Variants in TBC1D5 observed in about 807,000 individuals in gnomAD.
TBC1D5 encodes TBC1 domain family, member 5.
Under a neutral mutation model 100.3 loss-of-function variants are expected in TBC1D5, and 75 were observed. The observed-to-expected ratio is 0.75, with a 90% CI of 0.62 to 0.91. The LOEUF is 0.91. Among genes scored for constraint, TBC1D5 ranks in the 40% least tolerant of loss-of-function variants. The pLI is 0.00. For synonymous variants in TBC1D5, 323 were observed against 325.6 expected (o/e 0.99, Z 0.09); for missense variants, 910 against 942.4 (o/e 0.97, Z 0.45).
intron 15 of TBC1D5, among the ~76,000 whole-genome samples, chr3:17,263,736 G>A (rs796101555): frequency 1.5e-4 from 23 of 152,310 alleles, no homozygotes; most frequent in African/African-American, 5.5e-4. Context: ...AGTGGTAGAT[G>A]CAAGTTTTCT....
chr3:17,386,934 G>T (rs2093175241), intron 8 of TBC1D5, among the ~76,000 whole-genome samples: 1 of 152,086 alleles, frequency 6.6e-6, no homozygotes, highest in African/African-American at 2.4e-5. Flanking sequence ...AATTTAAATT[G>T]TCTACTTTTA....
rs569641419 is a variant in TBC1D5 at position 17,618,577 on chromosome 3, G to A, written c.-36+5272C>T. 7.9e-5 allele frequency among the ~76,000 whole-genome samples: 12 copies of A among 152,352 alleles called. No homozygotes were observed. In the South Asian group the frequency reaches 2.3e-3, roughly 29 times the overall value. On this transcript the variant is annotated intron_variant, in intron 2 of 21. Coordinates refer to ENST00000253692, the Ensembl canonical transcript of TBC1D5. ...TCTGCCCAGTTCGAGCTTCCCGGCT[G>A]CTTTGTTTTCCTACTTAAGCCTCAG...
chr3:17,438,257 T>C (rs2094573138), intron 3 of TBC1D5, among the ~76,000 whole-genome samples: 1 of 152,230 alleles, frequency 6.6e-6, no homozygotes, highest in Admixed American at 6.5e-5. Context: ...GAAGTAAATA[T>C]GTTGATAAAG....
At chr3:17,403,160 C>T (rs753733402) in intron 8 of TBC1D5, 21 bp downstream of exon 8, 11 of 1,543,954 alleles carry the variant, frequency 7.1e-6, no homozygotes, top group Non-Finnish European at 9.7e-6. Flanking sequence ...TTGAAAGTAA[C>T]ATGTAAATAG....
rs1471241570 is a variant in TBC1D5 at position 17,527,793 on chromosome 3, A to T, written c.-35-19188T>A. 3.3e-5 allele frequency among the ~76,000 whole-genome samples: 5 copies of T among 152,366 alleles called. 1 individual carries two copies. In the South Asian group the frequency reaches 1.0e-3, roughly 32 times the overall value. ...TAAATGGGCATCTAGCCAGATGACA[A>T]TCTTCAAGATGTTTCTCATATTTTT... On this transcript the variant is annotated intron_variant, in intron 2 of 21. Coordinates refer to ENST00000253692, the Ensembl canonical transcript of TBC1D5.
chr3:17,337,121 AG>A, intron 13 of TBC1D5, among the ~76,000 whole-genome samples: 1 of 99,706 alleles, frequency 1.0e-5, no homozygotes, highest in South Asian at 3.6e-4. Context: ...ATTATCTGAG[AG>A]GTTTTTTTTT....
At chr3:17,191,760 G>T (rs770319707) in intron 18 of TBC1D5, among the ~76,000 whole-genome samples, 1 of 151,718 alleles carries the variant, frequency 6.6e-6, no homozygotes, top group Non-Finnish European at 1.5e-5. Context: ...GGGATTACAG[G>T]CACCTGCTAC....
intron 1 of TBC1D5, among the ~76,000 whole-genome samples, chr3:17,660,525 G>A (rs1010800763): frequency 2.6e-5 from 4 of 152,120 alleles, no homozygotes; most frequent in Non-Finnish European, 5.9e-5. Flanking sequence ...GATCTAAATG[G>A]GGCCAATAAA....
At chr3:17,426,621 A>C (rs960029802) in intron 4 of TBC1D5, among the ~76,000 whole-genome samples, 1 of 152,076 alleles carries the variant, frequency 6.6e-6, no homozygotes, top group African/African-American at 2.4e-5. Context: ...AAAAATATTT[A>C]GTTAACAACG....
intron 1 of TBC1D5, among the ~76,000 whole-genome samples, chr3:17,664,692 C>T (rs2153750079): frequency 1.3e-5 from 2 of 152,200 alleles, no homozygotes; most frequent in South Asian, 4.2e-4. Context: ...AAAGCAAACA[C>T]ATTATAGGAC....
At chr3:17,596,217 T>C (rs955532503) in intron 2 of TBC1D5, among the ~76,000 whole-genome samples, 1 of 152,056 alleles carries the variant, frequency 6.6e-6, no homozygotes, top group Non-Finnish European at 1.5e-5. Flanking sequence ...GTGTGCATAT[T>C]AACAATCACT....
intron 2 of TBC1D5, among the ~76,000 whole-genome samples, chr3:17,566,015 C>T (rs2096591262): frequency 6.6e-6 from 1 of 151,778 alleles, no homozygotes; most frequent in Admixed American, 6.6e-5. Context: ...GAAACTAAAG[C>T]CACATTAAAG....
chr3:17,263,236 G>A (rs1171553313), intron 15 of TBC1D5, among the ~76,000 whole-genome samples: 2 of 151,670 alleles, frequency 1.3e-5, no homozygotes, highest in Non-Finnish European at 2.9e-5. Flanking sequence ...GGTGGCACAT[G>A]CCTGTAGTCC....
chr3:17,531,937 T>A (rs199583898), intron 2 of TBC1D5, among the ~76,000 whole-genome samples: 3 of 152,082 alleles, frequency 2.0e-5, no homozygotes, highest in South Asian at 2.1e-4. Context: ...AAGGACTTCA[T>A]GTCTAAAACA....
intron 2 of TBC1D5, among the ~76,000 whole-genome samples, chr3:17,570,351 G>T (rs908518901): frequency 1.3e-5 from 2 of 151,760 alleles, no homozygotes; most frequent in Non-Finnish European, 2.9e-5. Context: ...TACAAACTAG[G>T]CATCATTCCC....
chr3:17,306,777 T>C (rs998256715), intron 14 of TBC1D5, among the ~76,000 whole-genome samples: 1 of 152,230 alleles, frequency 6.6e-6, no homozygotes, highest in East Asian at 1.9e-4. Context: ...TCTCATTCCT[T>C]TTATTATTAT....
chr3:17,334,663 G>A (rs1163968755), intron 13 of TBC1D5, among the ~76,000 whole-genome samples: 1 of 151,958 alleles, frequency 6.6e-6, no homozygotes, highest in Non-Finnish European at 1.5e-5. Context: ...CATTGTTAAG[G>A]GCAAATACAC....
chr3:17,278,056 A>C (rs1298433599), intron 15 of TBC1D5, among the ~76,000 whole-genome samples: 1 of 152,254 alleles, frequency 6.6e-6, no homozygotes, highest in East Asian at 1.9e-4. Context: ...ACAGTTTGAC[A>C]ACTAGGATGT....
At chr3:17,570,870 G>C (rs937740322) in intron 2 of TBC1D5, among the ~76,000 whole-genome samples, 13 of 151,902 alleles carry the variant, frequency 8.6e-5, no homozygotes, top group African/African-American at 3.1e-4. Context: ...TCTACAAAGA[G>C]AGAACTGCAA....
Sources: gnomAD v4.1 joint callset for allele counts (sites outside exome capture counted in the v4.1 genomes callset) on GRCh38, gnomAD v4.1.1 for gene constraint, MANE v1.5 for transcripts, NCBI Gene and HGNC (gene_info 2026-07-23, HGNC 2026-07-21) for gene names.